Variants in SH3GL2 observed in about 807,000 individuals in gnomAD.
SH3GL2 encodes endophilin-A1.
Under a neutral mutation model 46.0 loss-of-function variants are expected in SH3GL2, and 24 were observed. The ratio of observed to expected loss-of-function variants is 0.52; its 90% CI spans 0.38 to 0.73. The LOEUF (loss-of-function observed/expected upper bound fraction) is 0.73, where lower values mean the gene tolerates loss of function less well. SH3GL2 is among the 30% of genes least tolerant of loss of function. The pLI, the probability that SH3GL2 is intolerant of heterozygous loss-of-function variation, is 0.00. For synonymous variants in SH3GL2, 196 were observed against 147.1 expected, an observed-to-expected ratio of 1.33 and a Z score of -2.40; for missense variants, 413 against 424.2, an observed-to-expected ratio of 0.97 and a Z score of 0.23.
chr9:17,740,412 T>A (rs1474156665), intron 1 of SH3GL2, among the ~76,000 whole-genome samples: 1 of 151,970 alleles, frequency 6.6e-6, no homozygotes, highest in Non-Finnish European at 1.5e-5. Context: ...ACCAAAAGAA[T>A]ACTGCTGAAA....
At chr9:17,785,162 A>T (rs1390660698) in intron 3 of SH3GL2, among the ~76,000 whole-genome samples, 1 of 152,200 alleles carries the variant, frequency 6.6e-6, no homozygotes, top group African/African-American at 2.4e-5. Context: ...AAACTTAAAG[A>T]TACTTCCCTC....
At chr9:17,581,696 G>GTTTA (rs376203588) in intron 1 of SH3GL2, among the ~76,000 whole-genome samples, 1 of 151,978 alleles carries the variant, frequency 6.6e-6, no homozygotes, top group Non-Finnish European at 1.5e-5. Flanking sequence ...TTGTTTGTTT[G>GTTTA]TTTATTTATT....
intron 3 of SH3GL2, among the ~76,000 whole-genome samples, chr9:17,777,056 G>T (rs1199860533): frequency 1.3e-5 from 2 of 152,178 alleles, no homozygotes; most frequent in Non-Finnish European, 2.9e-5. Context: ...TTGTAGAATG[G>T]AGAGTGTTAG....
chr9:17,687,170 G>T (rs540182032), intron 1 of SH3GL2, among the ~76,000 whole-genome samples: 5 of 152,000 alleles, frequency 3.3e-5, no homozygotes, highest in South Asian at 2.1e-4. Flanking sequence ...TGTATGCTTT[G>T]ATTTTTCTTA....
rs1204368026 is a variant in SH3GL2 at position 17,761,670 on chromosome 9, G to A, written c.187+161G>A. ...TCATGGATAGCACATTTTAACTGGG[G>A]AGAAGGGCTTTTTAAAGCTCACATT... On this transcript the variant is annotated intron_variant, in intron 3 of 8. Coordinates refer to ENST00000380607, the MANE Select transcript of SH3GL2 (RefSeq NM_003026.5). 1.1e-5 allele frequency: 8 copies of A among 702,596 alleles called. 1 individual carries two copies. The highest frequency in any genetic ancestry group is 7.0e-5 in the African/African-American group (4 of 56,820). The allele number at this position is 702,596 out of a possible 1,614,324, so 43.5% of individuals were successfully genotyped here.
At chr9:17,693,063 A>G (rs1032059928) in intron 1 of SH3GL2, among the ~76,000 whole-genome samples, 1 of 152,190 alleles carries the variant, frequency 6.6e-6, no homozygotes, top group Non-Finnish European at 1.5e-5. Context: ...GGATGGGGAC[A>G]CAGCCAAACC....
chr9:17,612,297 G>C (rs1017209447), intron 1 of SH3GL2, among the ~76,000 whole-genome samples: 1 of 152,120 alleles, frequency 6.6e-6, no homozygotes, highest in African/African-American at 2.4e-5. Context: ...GCTCTGGTCA[G>C]ATTTTACAAC....
intron 3 of SH3GL2, among the ~76,000 whole-genome samples, chr9:17,779,412 C>T (rs527973519): frequency 1.3e-5 from 2 of 152,122 alleles, no homozygotes; most frequent in African/African-American, 4.8e-5. Context: ...CAGACCTGAG[C>T]CTGAATCCAA....
rs1242802002 is a variant in SH3GL2, at chr9:17,788,035, A to T, written c.465+522A>T. Among the ~76,000 whole-genome samples, 7 of 152,298 alleles carry T rather than the reference A, an allele frequency of 4.6e-5. No homozygotes were observed. The East Asian group carries it at 1.3e-3, about 29-fold the overall frequency. On this transcript the variant is annotated intron_variant, in intron 5 of 8. Transcript: ENST00000380607. Reference sequence around the variant, plus strand: ...GAATACCAACTAGCCACTTTCTAAAACATGTAGAGCAGTTGAGCTGTTTAT... The same window carrying T: ...GAATACCAACTAGCCACTTTCTAAATCATGTAGAGCAGTTGAGCTGTTTAT...
In SH3GL2 at chr9:17,600,155, G is replaced by A. The variant is rs377506264; in HGVS notation, c.45+20868G>A. Among the ~76,000 whole-genome samples, 4 of 152,290 alleles carry A rather than the reference G, an allele frequency of 2.6e-5. No individual in the cohort carries two copies. In the East Asian group the frequency reaches 7.7e-4, roughly 29 times the overall value. ...CACAAAAAAGTACCTGGGTGCAGAAGCATTTTCATTAAAATTACATGAACG... is the reference window on the plus strand; with the variant it reads ...CACAAAAAAGTACCTGGGTGCAGAAACATTTTCATTAAAATTACATGAACG... On this transcript the variant is annotated intron_variant, in intron 1 of 8. Transcript: ENST00000380607.
At chr9:17,597,810 T>G (rs1392748615) in intron 1 of SH3GL2, among the ~76,000 whole-genome samples, 2 of 152,202 alleles carry the variant, frequency 1.3e-5, no homozygotes, top group Non-Finnish European at 2.9e-5. Flanking sequence ...AGGGCCTGCC[T>G]GATCTGACCC....
rs7022381 is a variant in SH3GL2, at chr9:17,669,678, G to C, written c.46-77388G>C. Among the ~76,000 whole-genome samples, 11 of 152,180 alleles carry C rather than the reference G, an allele frequency of 7.2e-5. No homozygotes were observed. The East Asian group carries it at 2.1e-3, about 29-fold the overall frequency. ...TTAGTTTTTGAAGGACACCGGGGTTGGTTCTGGGTTTATACTCATAAATAA... is the reference window on the plus strand; with the variant it reads ...TTAGTTTTTGAAGGACACCGGGGTTCGTTCTGGGTTTATACTCATAAATAA... On this transcript the variant is annotated intron_variant, in intron 1 of 8. Coordinates refer to ENST00000380607, the MANE Select transcript of SH3GL2 (RefSeq NM_003026.5).
chr9:17,741,004 T>G (rs1249296828), intron 1 of SH3GL2, among the ~76,000 whole-genome samples: 1 of 152,128 alleles, frequency 6.6e-6, no homozygotes, highest in Non-Finnish European at 1.5e-5. Context: ...TTAAAAACCC[T>G]TGCCTAAAGT....
At chr9:17,697,438 G>T (rs181763229) in intron 1 of SH3GL2, among the ~76,000 whole-genome samples, 59 of 152,036 alleles carry the variant, frequency 3.9e-4, no homozygotes, top group African/African-American at 1.3e-3. Flanking sequence ...TGGTCAGGCT[G>T]ATCTCCAACT....
intron 1 of SH3GL2, among the ~76,000 whole-genome samples, chr9:17,691,687 A>C (rs1188997313): frequency 1.3e-5 from 2 of 152,166 alleles, no homozygotes; most frequent in East Asian, 3.9e-4. Context: ...CAGTCAGAGA[A>C]GATTTTACAC....
At position 17,793,419 on chromosome 9, in the gene SH3GL2, A is replaced by G. The variant is rs201913525; in HGVS notation, c.781A>G (p.Met261Val). ...AAGGGAATATCAACCTAAACCACGAATGAGCCTGGAGTTTCCAACTGGAGA... is the reference window on the plus strand; with the variant it reads ...AAGGGAATATCAACCTAAACCACGAGTGAGCCTGGAGTTTCCAACTGGAGA... ...PRREYQPKPR[M>V]SLEFPTGDST... Residue 261 changes from methionine (M) to valine (V), a missense_variant, in exon 8 of 9, where the codon ATG (methionine) becomes GTG (valine). Met to Val is a conservative substitution (Grantham distance 21, BLOSUM62 1). Coordinates refer to ENST00000380607, the MANE Select transcript of SH3GL2 (RefSeq NM_003026.5). The G allele has an allele frequency of 8.1e-6, 13 of 1,612,648 alleles. No individual in the cohort carries two copies. The highest frequency in any genetic ancestry group is 1.1e-5 in the Non-Finnish European group (13 of 1,179,404).
intron 1 of SH3GL2, among the ~76,000 whole-genome samples, chr9:17,620,512 G>A (rs1285353305): frequency 6.6e-6 from 1 of 152,104 alleles, no homozygotes; most frequent in African/African-American, 2.4e-5. Context: ...TAATGGGCTC[G>A]CAGACATGCA....
intron 1 of SH3GL2, among the ~76,000 whole-genome samples, chr9:17,712,500 G>A (rs1234714491): frequency 6.6e-6 from 1 of 151,770 alleles, no homozygotes; most frequent in African/African-American, 2.4e-5. Flanking sequence ...TGAAGGTGTG[G>A]ATTGAATGTT....
chr9:17,592,961 C>T (rs1189815198), intron 1 of SH3GL2, among the ~76,000 whole-genome samples: 1 of 152,078 alleles, frequency 6.6e-6, no homozygotes, highest in African/African-American at 2.4e-5. Context: ...ATCAGTCATG[C>T]CTATGTAATG....
Sources: allele counts gnomAD v4.1 joint callset (sites outside exome capture counted in the v4.1 genomes callset), GRCh38; gene constraint gnomAD v4.1.1; transcripts MANE v1.5; gene names NCBI Gene and HGNC (gene_info 2026-07-23, HGNC 2026-07-21).